ATRN: variants seen among roughly 807,000 people sequenced by gnomAD.
ATRN encodes the protein attractin-2.
A neutral mutation model predicts 178.7 loss-of-function variants in ATRN; 54 were observed. The ratio of observed to expected loss-of-function variants is 0.30; its 90% CI spans 0.24 to 0.38. ATRN has a LOEUF of 0.38. ATRN is among the 10% of genes least tolerant of loss of function. The probability of loss-of-function intolerance (pLI) is 1.00; values close to 1 mark genes in which losing one functional copy is unlikely to be tolerated. For missense variants in ATRN, 1,443 were observed against 1,815.1 expected (o/e 0.79, Z 3.73); for synonymous variants, 636 against 663.0 (o/e 0.96, Z 0.63).
At chr20:3,623,366 C>T (rs1454588859) in intron 24 of ATRN, among the ~76,000 whole-genome samples, 1 of 152,072 alleles carries the variant, frequency 6.6e-6, no homozygotes, top group Non-Finnish European at 1.5e-5. Context: ...AGGGAGGACA[C>T]AAAAACTTCA....
At chr20:3,478,896 T>G (rs1286070168) in intron 1 of ATRN, among the ~76,000 whole-genome samples, 1 of 151,648 alleles carries the variant, frequency 6.6e-6, no homozygotes, top group African/African-American at 2.4e-5. Context: ...CCACCTTCAG[T>G]TCTCTATAAT....
rs772843318 is a variant in ATRN at position 3,562,462 on chromosome 20, G to A, written c.1631+3G>A. Reference sequence around the variant, plus strand: ...TATGATGTGGATACCCAGATGTGGTGGGTACTTTTTCTTGAGCTTTCACTT... The same window carrying A: ...TATGATGTGGATACCCAGATGTGGTAGGTACTTTTTCTTGAGCTTTCACTT... On this transcript the variant is annotated splice_donor_region_variant and intron_variant, in intron 9 of 28. Transcript: ENST00000262919. 3.0e-5 allele frequency: 48 copies of A among 1,613,266 alleles called. No homozygotes were observed. The highest frequency in any genetic ancestry group is 3.6e-5 in the Non-Finnish European group (43 of 1,179,650).
chr20:3,601,983 A>G (rs778012487), intron 23 of ATRN, among the ~76,000 whole-genome samples: 1 of 152,122 alleles, frequency 6.6e-6, no homozygotes, highest in East Asian at 1.9e-4. Flanking sequence ...CTGTTAGGCA[A>G]GTTACTTAAG....
chr20:3,513,219 T>A (rs2085161047), intron 1 of ATRN, among the ~76,000 whole-genome samples: 1 of 152,234 alleles, frequency 6.6e-6, no homozygotes, highest in South Asian at 2.1e-4. Context: ...CTAGGTTCTC[T>A]TCTAGGGTTT....
At chr20:3,573,645 A>G (rs2086160875) in intron 12 of ATRN, among the ~76,000 whole-genome samples, 1 of 152,142 alleles carries the variant, frequency 6.6e-6, no homozygotes, top group South Asian at 2.1e-4. Context: ...ATGTTTTTCA[A>G]GCTGTTTCCG....
intron 1 of ATRN, among the ~76,000 whole-genome samples, chr20:3,501,017 G>A (rs569808932): frequency 2.8e-4 from 42 of 152,186 alleles, no homozygotes; most frequent in African/African-American, 9.9e-4. Flanking sequence ...TTGAAACATA[G>A]TAATTTGATT....
chr20:3,564,452 G>A (rs1198267562), intron 10 of ATRN, among the ~76,000 whole-genome samples: 1 of 152,150 alleles, frequency 6.6e-6, no homozygotes, highest in Non-Finnish European at 1.5e-5. Flanking sequence ...GAAAAGACCG[G>A]CACATATTTA....
At chr20:3,553,750 TC>T (rs2085822129) in intron 6 of ATRN, among the ~76,000 whole-genome samples, 1 of 152,252 alleles carries the variant, frequency 6.6e-6, no homozygotes, top group Non-Finnish European at 1.5e-5. Context: ...TCTAGACTGT[TC>T]CTGCTATTGT....
intron 1 of ATRN, among the ~76,000 whole-genome samples, chr20:3,515,445 G>A (rs1386670482): frequency 6.6e-6 from 1 of 152,174 alleles, no homozygotes; most frequent in Non-Finnish European, 1.5e-5. Context: ...CTGAGAAGAA[G>A]CTGCCAGGGA....
rs1224182428 is a variant in ATRN at position 3,482,392 on chromosome 20, G to T, written c.410+10875G>T. 2.0e-5 allele frequency among the ~76,000 whole-genome samples: 3 copies of T among 152,166 alleles called. No individual in the cohort carries two copies. In the South Asian group the frequency reaches 6.2e-4, roughly 32 times the overall value. On this transcript the variant is annotated intron_variant, in intron 1 of 28. Transcript: ENST00000262919. ...CCTAATGTTTGATATTCATAAATAT[G>T]TGCTTTCACAATTATTTTTTAGAAT...
At position 3,562,368 on chromosome 20, in the gene ATRN, C is replaced by CTATACG. The variant is rs1255341135; in HGVS notation, c.1542_1547dup (p.Tyr515_Val516dup). The CTATACG allele has an allele frequency of 6.2e-7, 1 of 1,614,122 alleles. No individual in the cohort carries two copies. ...TGTTTACGACCATAGGACCAGGGCC[C>CTATACG]TATACGTTCATGGTGGCTACAAGGC... is the stretch of plus-strand genomic sequence containing the variant. On this transcript the variant is annotated inframe_insertion, in exon 9 of 29. Coordinates refer to ENST00000262919, the MANE Select transcript of ATRN (RefSeq NM_139321.3).
At chr20:3,480,385 G>A (rs868353375) in intron 1 of ATRN, among the ~76,000 whole-genome samples, 3 of 152,136 alleles carry the variant, frequency 2.0e-5, no homozygotes, top group South Asian at 4.1e-4. Context: ...AAGAGTTAGC[G>A]TTGCTGCTGT....
chr20:3,521,873 C>A (rs1451881084), intron 1 of ATRN, among the ~76,000 whole-genome samples: 2 of 152,188 alleles, frequency 1.3e-5, no homozygotes, highest in Non-Finnish European at 2.9e-5. Flanking sequence ...GCCTCTATCT[C>A]TGGGCTCAAA....
chr20:3,471,337 T>C lies in ATRN; in HGVS notation c.230T>C (p.Leu77Pro), dbSNP rs1424392972. ...TCGCCGCCGCTGCTGCTGCTGCTGC[T>C]GCCCTGTGAGGCCGAGGCCGCGGCG... ...LLSPPLLLLL[L>P]PCEAEAAAAA... The change falls in exon 1 of 29, where the codon CTG becomes CCG. Residue 77 changes from leucine (L) to proline (P), a missense_variant. Transcript: ENST00000262919. 1.3e-6 allele frequency: 2 copies of C among 1,485,664 alleles called. No individual in the cohort carries two copies. The highest frequency in any genetic ancestry group is 2.4e-5 in the Admixed American group (1 of 42,470). 92.0% of individuals were successfully genotyped at this position (1,485,664 alleles called of 1,614,324 possible). A position where few individuals can be genotyped will look rare whatever the true frequency, so the allele number is the denominator to read the frequency against.
In ATRN at chr20:3,587,247, A is replaced by G. The variant is rs3117585; in HGVS notation, c.3184+2367A>G. 3.7e-3 allele frequency among the ~76,000 whole-genome samples: 565 copies of G among 152,188 alleles called. 2 individuals carry two copies. The highest frequency in any genetic ancestry group is 0.014 in the Middle Eastern group (4 of 294). On this transcript the variant is annotated intron_variant, in intron 18 of 28. Coordinates refer to ENST00000262919, the MANE Select transcript of ATRN (RefSeq NM_139321.3). ...AGTTTTGATTAAGTTCCATGTATCA[A>G]TGTTTTATTTTATCCCATGTGCTTT...
At chr20:3,635,345 C>T (rs938793125) in intron 26 of ATRN, among the ~76,000 whole-genome samples, 5 of 144,276 alleles carry the variant, frequency 3.5e-5, no homozygotes, top group Non-Finnish European at 7.8e-5. Context: ...CACCTGTTCC[C>T]CCAAAAACCT....
chr20:3,582,666 A>G (rs574937377), intron 16 of ATRN, among the ~76,000 whole-genome samples: 1 of 152,342 alleles, frequency 6.6e-6, no homozygotes, highest in East Asian at 1.9e-4. Flanking sequence ...AAGCAAATTT[A>G]TTGGTGTTGG....
chr20:3,493,870 T>C (rs1182464682), intron 1 of ATRN, among the ~76,000 whole-genome samples: 1 of 152,248 alleles, frequency 6.6e-6, no homozygotes, highest in Non-Finnish European at 1.5e-5. Context: ...TGAAAATTTT[T>C]GTTGTTGCAA....
intron 1 of ATRN, among the ~76,000 whole-genome samples, chr20:3,520,805 A>C (rs1183902379): frequency 6.6e-6 from 1 of 152,180 alleles, no homozygotes; most frequent in African/African-American, 2.4e-5. Context: ...CCTGCACGCC[A>C]ACTTTATCAC....
Sources: gnomAD v4.1 joint callset for allele counts (sites outside exome capture counted in the v4.1 genomes callset) on GRCh38, gnomAD v4.1.1 for gene constraint, MANE v1.5 for transcripts, NCBI Gene and HGNC (gene_info 2026-07-23, HGNC 2026-07-21) for gene names.